Variants in SEC23B observed in about 807,000 individuals in gnomAD.
SEC23B encodes the protein protein transport protein Sec23B.
A neutral mutation model predicts 104.3 loss-of-function variants in SEC23B; 77 were observed. The observed-to-expected ratio is 0.74, with a 90% CI of 0.61 to 0.89. The LOEUF is 0.89. Among genes scored for constraint, SEC23B ranks in the 40% least tolerant of loss-of-function variants. The pLI, the probability that SEC23B is intolerant of heterozygous loss-of-function variation, is 0.00. For missense variants in SEC23B, 885 were observed against 949.4 expected (o/e 0.93, Z 0.89); for synonymous variants, 338 against 332.5 (o/e 1.02, Z -0.18).
At chr20:18,558,690 CT>C (rs1268151074) in intron 19 of SEC23B, among the ~76,000 whole-genome samples, 2 of 152,164 alleles carry the variant, frequency 1.3e-5, no homozygotes, top group African/African-American at 2.4e-5. Context: ...ATGCACTGCG[CT>C]TTTTGTTTGT....
At position 18,547,926 on chromosome 20, in the gene SEC23B, A is replaced by AC. The variant is rs879413441; in HGVS notation, c.1744-683_1744-682insC. On this transcript the variant is annotated intron_variant, in intron 15 of 19. Transcript: ENST00000650089. ...ATACCCAGAGGCCCTTTTCTTAAAA[A>AC]AATTTTGTATTTTTTTAAAAATTTT... 2.6e-3 allele frequency among the ~76,000 whole-genome samples: 398 copies of AC among 151,006 alleles called. 9 individuals are homozygous for AC. The highest frequency in any genetic ancestry group is 0.022 in the Admixed American group (332 of 15,190).
At chr20:18,537,752 A>T (rs576191544) in intron 12 of SEC23B, among the ~76,000 whole-genome samples, 2 of 152,182 alleles carry the variant, frequency 1.3e-5, no homozygotes, top group Admixed American at 1.3e-4. Flanking sequence ...TAAAAAATAA[A>T]TAAATAAATA....
chr20:18,528,709 A>G (rs2060156003), intron 9 of SEC23B, among the ~76,000 whole-genome samples: 1 of 152,258 alleles, frequency 6.6e-6, no homozygotes, highest in African/African-American at 2.4e-5. Flanking sequence ...TAGCTATCTC[A>G]GTAATCCACA....
rs34982139 is a variant in SEC23B, at chr20:18,554,826, C to CA, written c.2149-266dup. On this transcript the variant is annotated intron_variant, in intron 18 of 19. Coordinates refer to ENST00000650089, the MANE Select transcript of SEC23B (RefSeq NM_006363.6). The stretch of plus-strand genomic sequence containing the variant: ...GGGGCTACAGAGTGAGACTCCGTCT[C>CA]AAAAAAAAAAAAAAAATGAGTGGTC... 0.027 allele frequency among the ~76,000 whole-genome samples: 3,256 copies of CA among 120,208 alleles called. 129 individuals are homozygous for CA. The highest frequency in any genetic ancestry group is 0.069 in the African/African-American group (2,033 of 29,532). The allele number at this position is 120,208 out of a possible 152,430, so 78.9% of individuals were successfully genotyped here.
chr20:18,536,645 T>C (rs967093825), intron 12 of SEC23B, among the ~76,000 whole-genome samples: 1 of 150,760 alleles, frequency 6.6e-6, no homozygotes, highest in Non-Finnish European at 1.5e-5. Flanking sequence ...TGAGCCAAGA[T>C]CGTGCCACTG....
At position 18,534,256 on chromosome 20, in the gene SEC23B, C is replaced by T. The variant is rs540496854; in HGVS notation, c.1315-1397C>T. On this transcript the variant is annotated intron_variant, in intron 11 of 19. Transcript: ENST00000650089. ...TAAAAATAACGATGTTCTCCTACCA[C>T]GATGTCATTATCAAACTTAAGAAAA... is the stretch of plus-strand genomic sequence containing the variant. Among the ~76,000 whole-genome samples the T allele has an allele frequency of 5.3e-5, 8 of 152,252 alleles. No homozygotes were observed. In the South Asian group the frequency reaches 6.2e-4, roughly 12 times the overall value.
At chr20:18,519,589 T>C (rs977922827) in intron 4 of SEC23B, among the ~76,000 whole-genome samples, 3 of 152,122 alleles carry the variant, frequency 2.0e-5, no homozygotes, top group African/African-American at 4.8e-5. Flanking sequence ...GCTCTGCACT[T>C]AGGCTGTGTG....
intron 4 of SEC23B, among the ~76,000 whole-genome samples, chr20:18,522,701 T>C (rs1219896015): frequency 7.6e-6 from 1 of 131,448 alleles, no homozygotes; most frequent in Non-Finnish European, 1.7e-5. Flanking sequence ...AGCAACAAGC[T>C]GTTATTTTAC....
At chr20:18,552,178 A>C (rs1019649827) in intron 17 of SEC23B, among the ~76,000 whole-genome samples, 19 of 150,288 alleles carry the variant, frequency 1.3e-4, no homozygotes, top group Non-Finnish European at 2.5e-4. Context: ...CCTAATGGCC[A>C]ACCATTAGAA....
In SEC23B at chr20:18,540,465, G is replaced by T. The variant is rs550813941; in HGVS notation, c.1405-1831G>T. 1.7e-4 allele frequency among the ~76,000 whole-genome samples: 26 copies of T among 152,276 alleles called. No individual in the cohort carries two copies. The South Asian group carries it at 5.2e-3, about 30-fold the overall frequency. ...ACAGATGTGCTGTCATCCAGGCTTTGTTGTTCCTTTTGTAGAGCACAGGAA... is the reference window on the plus strand; with the variant it reads ...ACAGATGTGCTGTCATCCAGGCTTTTTTGTTCCTTTTGTAGAGCACAGGAA... On this transcript the variant is annotated intron_variant, in intron 12 of 19. Coordinates refer to ENST00000650089, the MANE Select transcript of SEC23B (RefSeq NM_006363.6).
intron 1 of SEC23B, chr20:18,509,927 T>C (rs969140830): frequency 6.6e-6 from 1 of 152,168 alleles, no homozygotes; most frequent in African/African-American, 2.4e-5. Context: ...GCAACCGTGG[T>C]GAGGAAAGAG....
At chr20:18,512,623 A>G (rs1368418812) in intron 3 of SEC23B, among the ~76,000 whole-genome samples, 2 of 152,202 alleles carry the variant, frequency 1.3e-5, no homozygotes, top group African/African-American at 4.8e-5. Flanking sequence ...GATAGTGTAT[A>G]TTACTGAATT....
intron 10 of SEC23B, among the ~76,000 whole-genome samples, chr20:18,532,310 G>A (rs1437601406): frequency 6.6e-6 from 1 of 152,154 alleles, no homozygotes; most frequent in Non-Finnish European, 1.5e-5. Flanking sequence ...TTAGGTATAT[G>A]CAAATAATTA....
rs112419773 is a variant in SEC23B, at chr20:18,543,458, T to C, written c.1665+286T>C. On this transcript the variant is annotated intron_variant, in intron 14 of 19. Coordinates refer to ENST00000650089, the MANE Select transcript of SEC23B (RefSeq NM_006363.6). ...ATGAGTCATTTTGTGAATGCTCTGG[T>C]CTTGTATTTTTCTTCTAAATCTGGA... Among the ~76,000 whole-genome samples the C allele has an allele frequency of 8.0e-3, 1,216 of 152,328 alleles. 8 individuals carry two copies. Among genetic ancestry groups the C allele is most frequent in the Middle Eastern group, 0.014 (4 of 294 alleles).
At chr20:18,560,556 AC>A in intron 19 of SEC23B, 94 bp from the exon 20 acceptor site, 1 of 933,188 alleles carries the variant, frequency 1.1e-6, no homozygotes, top group Non-Finnish European at 1.8e-6. Flanking sequence ...AGGGGACAAC[AC>A]CTGTGAATGT....
chr20:18,525,059 G>A (rs765998362), intron 6 of SEC23B, 39 bp downstream of exon 6: 1 of 1,543,670 alleles, frequency 6.5e-7, no homozygotes. Flanking sequence ...TATTGTGATG[G>A]ACATGCAGAT....
At chr20:18,557,417 G>C (rs1251996062) in intron 19 of SEC23B, among the ~76,000 whole-genome samples, 2 of 152,064 alleles carry the variant, frequency 1.3e-5, no homozygotes, top group African/African-American at 4.8e-5. Context: ...TGGGATTATA[G>C]GCATGAGCCA....
At chr20:18,524,895 G>A (rs754901171) in intron 5 of SEC23B, 40 bp from the exon 6 acceptor site, 146 of 1,599,960 alleles carry the variant, frequency 9.1e-5, no homozygotes, top group Non-Finnish European at 1.2e-4. Flanking sequence ...CACTTTTAGT[G>A]TCATTGGAAA....
At chr20:18,527,121 G>A (rs1379542832) in intron 8 of SEC23B, among the ~76,000 whole-genome samples, 3 of 152,384 alleles carry the variant, frequency 2.0e-5, no homozygotes, top group African/African-American at 7.2e-5. Flanking sequence ...GGAGGCTGAG[G>A]CACGAGAATC....
Sources: gnomAD v4.1 joint callset for allele counts (sites outside exome capture counted in the v4.1 genomes callset) on GRCh38, gnomAD v4.1.1 for gene constraint, MANE v1.5 for transcripts, NCBI Gene and HGNC (gene_info 2026-07-23, HGNC 2026-07-21) for gene names.